The following SLC4A8 variants were observed in gnomAD, a reference collection of about 807,000 sequenced individuals.
SLC4A8 encodes electroneutral sodium bicarbonate exchanger 1.
In SLC4A8, 40 loss-of-function variants were observed where a neutral mutation model predicts 125.0. The ratio of observed to expected loss-of-function variants is 0.32; its 90% CI spans 0.25 to 0.42. The LOEUF (loss-of-function observed/expected upper bound fraction) is 0.42, where lower values mean the gene tolerates loss of function less well. Among genes scored for constraint, SLC4A8 ranks in the 10% least tolerant of loss-of-function variants. The pLI, the probability that SLC4A8 is intolerant of heterozygous loss-of-function variation, is 1.00. For missense variants in SLC4A8, 863 were observed against 1,355.1 expected (o/e 0.64, Z 5.70); for synonymous variants, 456 against 476.0 (o/e 0.96, Z 0.55).
intron 2 of SLC4A8, among the ~76,000 whole-genome samples, chr12:51,449,987 C>A (rs1325001933): frequency 5.3e-5 from 8 of 152,068 alleles, no homozygotes; most frequent in Non-Finnish European, 1.2e-4. Flanking sequence ...TATGACCAGG[C>A]TACTGCCCTC....
At position 51,480,087 on chromosome 12, in the gene SLC4A8, C is replaced by T. The variant is rs1192882735; in HGVS notation, c.2172+4881C>T. 8.1e-5 allele frequency: 30 copies of T among 369,888 alleles called. No homozygotes were observed. The highest frequency in any genetic ancestry group is 1.3e-4 in the Non-Finnish European group (26 of 195,116). 22.9% of individuals were successfully genotyped at this position (369,888 alleles called of 1,614,324 possible). ...TCCCGAGTAGCTGGGACTACAGGCA[C>T]GCACCACCACAGCCAGCTAATTTTT... On this transcript the variant is annotated intron_variant, in intron 16 of 24. Coordinates refer to ENST00000453097, the MANE Select transcript of SLC4A8 (RefSeq NM_001039960.3).
At chr12:51,480,162 A>G (rs1950981131) in intron 16 of SLC4A8, 2 of 645,314 alleles carry the variant, frequency 3.1e-6, no homozygotes, top group Non-Finnish European at 4.6e-6. Context: ...GATGGTCTCA[A>G]TCTCTTGACC....
intron 7 of SLC4A8, 81 bp from the exon 8 acceptor site, chr12:51,459,870 A>G: frequency 2.3e-6 from 3 of 1,304,246 alleles, no homozygotes; most frequent in Non-Finnish European, 3.2e-6. Flanking sequence ...CTCTGTCTCA[A>G]AAAAAAGTAA....
chr12:51,428,440 C>G (rs150144093), intron 1 of SLC4A8, among the ~76,000 whole-genome samples: 38 of 152,298 alleles, frequency 2.5e-4, no homozygotes, highest in African/African-American at 8.4e-4. Flanking sequence ...CCTTAAGGAG[C>G]TCAAGGTCTA....
At chr12:51,423,093 G>A (rs1167012405), upstream of SLC4A8, among the ~76,000 whole-genome samples, 4 of 152,176 alleles carry the variant, frequency 2.6e-5, no homozygotes, top group Admixed American at 2.0e-4. Context: ...TATTTACTAA[G>A]TACTTTCTAT....
At chr12:51,427,358 G>A (rs535917414) in intron 1 of SLC4A8, among the ~76,000 whole-genome samples, 9 of 152,318 alleles carry the variant, frequency 5.9e-5, no homozygotes, top group African/African-American at 1.9e-4. Flanking sequence ...AGGGCATCAT[G>A]ACCCTTAGGT....
chr12:51,446,011 T>G (rs1451696845), intron 2 of SLC4A8, among the ~76,000 whole-genome samples: 1 of 152,182 alleles, frequency 6.6e-6, no homozygotes, highest in East Asian at 1.9e-4. Flanking sequence ...TTCATTAACA[T>G]ACTATAATGG....
chr12:51,450,813 T>TTTG (rs556727308), intron 2 of SLC4A8, 63 bp from the exon 3 acceptor site: 8 of 1,562,120 alleles, frequency 5.1e-6, no homozygotes, highest in South Asian at 3.4e-5. Context: ...TGCTAGGCTT[T>TTTG]TTGTTGTTGT....
chr12:51,420,999 C>T (rs1948777538), upstream of SLC4A8, among the ~76,000 whole-genome samples: 1 of 152,106 alleles, frequency 6.6e-6, no homozygotes, highest in African/African-American at 2.4e-5. Context: ...GCATGCCTCT[C>T]TGCCTCCCTA....
chr12:51,493,626 A>G lies in SLC4A8; in HGVS notation c.2701-78A>G, dbSNP rs574642569. 56 of 921,164 alleles carry G rather than the reference A, an allele frequency of 6.1e-5. No homozygotes were observed. The African/African-American group carries it at 7.8e-4, about 13-fold the overall frequency. The allele number at this position is 921,164 out of a possible 1,614,324, so 57.1% of individuals were successfully genotyped here. On this transcript the variant is annotated intron_variant, in intron 19 of 24. Coordinates refer to ENST00000453097, the MANE Select transcript of SLC4A8 (RefSeq NM_001039960.3). ...TTGTGACTTTGTTTCATTCTTGGAG[A>G]TTTAAAAGTGTATATAGTTTTGAGT...
At chr12:51,392,548 G>C (rs1948147274) in intron 1 of SLC4A8, among the ~76,000 whole-genome samples, 1 of 144,796 alleles carries the variant, frequency 6.9e-6, no homozygotes, top group South Asian at 2.2e-4. Flanking sequence ...ACTCCAGCCT[G>C]GCGACAGAGC....
At chr12:51,490,601 G>A (rs1951286890) in intron 19 of SLC4A8, among the ~76,000 whole-genome samples, 1 of 150,986 alleles carries the variant, frequency 6.6e-6, no homozygotes, top group Non-Finnish European at 1.5e-5. Flanking sequence ...GTGGAGCCAT[G>A]CCATGGATGG....
intron 2 of SLC4A8, among the ~76,000 whole-genome samples, chr12:51,446,272 G>C (rs138956444): frequency 4.3e-4 from 65 of 152,298 alleles, no homozygotes; most frequent in Admixed American, 9.2e-4. Flanking sequence ...TGAGACAGGA[G>C]GGTAAGAAGT....
At chr12:51,479,155 T>C (rs1950942939) in intron 16 of SLC4A8, among the ~76,000 whole-genome samples, 1 of 152,202 alleles carries the variant, frequency 6.6e-6, no homozygotes, top group South Asian at 2.1e-4. Flanking sequence ...AGTAATACTC[T>C]ACTAAAGTGT....
intron 1 of SLC4A8, among the ~76,000 whole-genome samples, chr12:51,428,844 T>C (rs1486421527): frequency 6.6e-6 from 1 of 152,248 alleles, no homozygotes; most frequent in Non-Finnish European, 1.5e-5. Flanking sequence ...TATGGAACTT[T>C]ATTATTGTTT....
rs539076167 is a variant in SLC4A8 at position 51,510,521 on chromosome 12, C to T, written c.*3083C>T. ...TCAATTTGAAGTTTCTCGACCTTTC[C>T]ATCAAGGATCTTGAATTTTTTCTCA... is the stretch of plus-strand genomic sequence containing the variant. On this transcript the variant is annotated 3_prime_UTR_variant, in exon 25 of 25. Coordinates refer to ENST00000453097, the MANE Select transcript of SLC4A8 (RefSeq NM_001039960.3). 1 of 152,122 alleles carries T rather than the reference C, an allele frequency of 6.6e-6. No individual in the cohort carries two copies. The highest frequency in any genetic ancestry group is 1.5e-5 in the Non-Finnish European group (1 of 68,000). 9.4% of individuals were successfully genotyped at this position (152,122 alleles called of 1,614,324 possible).
intron 4 of SLC4A8, 26 bp downstream of exon 4, chr12:51,452,285 A>T: frequency 6.2e-7 from 1 of 1,613,794 alleles, no homozygotes; most frequent in Non-Finnish European, 8.5e-7. Context: ...GGCCTGCATC[A>T]AGATCTGCTT....
chr12:51,493,590 C>T (rs1951379458), intron 19 of SLC4A8, 114 bp from the exon 20 acceptor site: 1 of 730,436 alleles, frequency 1.4e-6, no homozygotes, highest in Admixed American at 1.9e-5. Flanking sequence ...TGCAATGTGT[C>T]TGCAGCTATT....
At chr12:51,441,818 T>G (rs556411081) in intron 2 of SLC4A8, among the ~76,000 whole-genome samples, 3 of 152,318 alleles carry the variant, frequency 2.0e-5, no homozygotes, top group Non-Finnish European at 4.4e-5. Context: ...AGAGGCTGAC[T>G]CAGCCTCTGG....
Sources: allele counts gnomAD v4.1 joint callset (sites outside exome capture counted in the v4.1 genomes callset), GRCh38; gene constraint gnomAD v4.1.1; transcripts MANE v1.5; gene names NCBI Gene and HGNC (gene_info 2026-07-23, HGNC 2026-07-21).